The following PANK1 variants were observed in gnomAD, a reference collection of about 807,000 sequenced individuals.
PANK1 encodes the protein pantothenate kinase 1.
Under a neutral mutation model 40.1 loss-of-function variants are expected in PANK1, and 18 were observed. The observed-to-expected ratio is 0.45, with a 90% CI of 0.31 to 0.67. PANK1 has a LOEUF of 0.67. PANK1 is among the 30% of genes least tolerant of loss of function. The pLI, the probability that PANK1 is intolerant of heterozygous loss-of-function variation, is 0.06. For missense variants in PANK1, 457 were observed against 599.6 expected (o/e 0.76, Z 2.48); for synonymous variants, 242 against 237.7 (o/e 1.02, Z -0.17).
chr10:89,629,464 G>T (rs1165232074), intron 1 of PANK1, among the ~76,000 whole-genome samples: 1 of 152,160 alleles, frequency 6.6e-6, no homozygotes, highest in East Asian at 1.9e-4. Flanking sequence ...GGATCATTTA[G>T]TTTTGGGGCA....
intron 1 of PANK1, among the ~76,000 whole-genome samples, chr10:89,634,218 G>A (rs1841734978): frequency 6.6e-6 from 1 of 152,180 alleles, no homozygotes; most frequent in Non-Finnish European, 1.5e-5. Context: ...CTCATGTTAA[G>A]CTTGAAGTCA....
intron 2 of PANK1, among the ~76,000 whole-genome samples, chr10:89,609,560 C>T (rs967329961): frequency 6.6e-5 from 10 of 152,208 alleles, no homozygotes; most frequent in Non-Finnish European, 1.3e-4. Flanking sequence ...ACATCACTAA[C>T]ATAACATCAA....
chr10:89,605,534 C>T (rs1403651055), intron 2 of PANK1, among the ~76,000 whole-genome samples: 1 of 152,230 alleles, frequency 6.6e-6, no homozygotes, highest in African/African-American at 2.4e-5. Context: ...TTCATTCTTT[C>T]AAGTTTTATC....
intron 5 of PANK1, chr10:89,592,841 G>T (rs753449579): frequency 1.9e-6 from 1 of 540,314 alleles, no homozygotes; most frequent in Non-Finnish European, 3.8e-6. Context: ...ATCGAATATT[G>T]CAAGTCGAGC....
intron 2 of PANK1, among the ~76,000 whole-genome samples, chr10:89,605,002 C>T (rs916803518): frequency 2.6e-5 from 4 of 151,338 alleles, no homozygotes; most frequent in South Asian, 2.1e-4. Flanking sequence ...TTGCCCACCT[C>T]GGCCTCCCAA....
Position 89,641,408 on chromosome 10 carries a change from G to A in PANK1, c.292+3192C>T, listed in dbSNP as rs112810191. 4.4e-3 allele frequency among the ~76,000 whole-genome samples: 677 copies of A among 152,260 alleles called. 6 individuals carry two copies. The highest frequency in any genetic ancestry group is 0.015 in the African/African-American group (621 of 41,548). Reference sequence around the variant, plus strand: ...GGGGTTTTTCAGTCTGTACCCACCAGTATGCTACCTGCATAATGAACTCTC... The same window carrying A: ...GGGGTTTTTCAGTCTGTACCCACCAATATGCTACCTGCATAATGAACTCTC... On this transcript the variant is annotated intron_variant, in intron 1 of 6. Transcript: ENST00000307534.
At chr10:89,588,846 T>G (rs1256908392) in intron 5 of PANK1, 69 bp from the exon 6 acceptor site, 3 of 1,091,176 alleles carry the variant, frequency 2.7e-6, no homozygotes, top group Admixed American at 2.3e-5. Flanking sequence ...GACCCAATGT[T>G]CTGTATGTCT....
rs1013737590 is a variant in PANK1 at position 89,611,948 on chromosome 10, C to A, written c.393G>T (p.Glu131Asp). The change falls in exon 2 of 7, where the codon GAG becomes GAT. Residue 131 changes from glutamate to aspartate, a missense_variant. Physicochemically the swap from Glu to Asp is conservative, Grantham distance 45. This residue lies in a region of PANK1 where 286 missense variants were observed against 415.8 expected (regional missense o/e 0.69). Coordinates refer to ENST00000307534, the MANE Select transcript of PANK1 (RefSeq NM_148977.3). ...AATACTTCCGGATGCTCTTCAGGTT[C>A]TCCACTTCCTCTTGCTCCTCTTCGG... ...ITAEEEQEEV[E>D]NLKSIRKYLT... The A allele has an allele frequency of 2.5e-6, 4 of 1,614,162 alleles. No homozygotes were observed.
At chr10:89,579,505 C>T (rs568104568), downstream of PANK1, 6 of 152,132 alleles carry the variant, frequency 3.9e-5, no homozygotes, top group South Asian at 2.1e-4. Flanking sequence ...TATTATTTTA[C>T]GTGATAACTT....
chr10:89,633,494 C>T (rs1173139027), intron 1 of PANK1, among the ~76,000 whole-genome samples: 1 of 151,958 alleles, frequency 6.6e-6, no homozygotes, highest in Non-Finnish European at 1.5e-5. Flanking sequence ...CACTAACTTC[C>T]TAGTATGGAA....
chr10:89,590,599 C>T (rs1311415382), intron 5 of PANK1, among the ~76,000 whole-genome samples: 5 of 151,944 alleles, frequency 3.3e-5, no homozygotes, highest in African/African-American at 9.7e-5. Context: ...CATGTGTGTA[C>T]ATATATGTGT....
chr10:89,616,084 T>A (rs149183481), intron 1 of PANK1, among the ~76,000 whole-genome samples: 35 of 152,364 alleles, frequency 2.3e-4, no homozygotes, highest in African/African-American at 7.9e-4. Flanking sequence ...GATGTCATTT[T>A]AAAATATTTC....
chr10:89,637,534 A>T (rs972623238), intron 1 of PANK1, among the ~76,000 whole-genome samples: 10 of 152,240 alleles, frequency 6.6e-5, no homozygotes, highest in Non-Finnish European at 1.3e-4. Context: ...AAACATACCT[A>T]AACATAGAAA....
chr10:89,631,666 G>C (rs1359126757), intron 1 of PANK1, among the ~76,000 whole-genome samples: 2 of 152,156 alleles, frequency 1.3e-5, no homozygotes, highest in African/African-American at 4.8e-5. Flanking sequence ...AGTGATACTG[G>C]GTGATTCCAA....
chr10:89,605,489 A>T (rs903887437), intron 2 of PANK1, among the ~76,000 whole-genome samples: 1 of 152,248 alleles, frequency 6.6e-6, no homozygotes, highest in Non-Finnish European at 1.5e-5. Flanking sequence ...CATCTCAAGA[A>T]ACCATTTTCT....
chr10:89,598,113 C>T (rs1844665564), intron 3 of PANK1, among the ~76,000 whole-genome samples: 1 of 152,002 alleles, frequency 6.6e-6, no homozygotes, highest in Admixed American at 6.6e-5. Flanking sequence ...TTGGCAGCAC[C>T]CCTGACCTCT....
At position 89,645,207 on chromosome 10, in the gene PANK1, C is replaced by T. The variant is rs942086529; in HGVS notation, c.-316G>A. The T allele has an allele frequency of 6.9e-6, 11 of 1,597,310 alleles. No homozygotes were observed. In the African/African-American group the frequency reaches 1.4e-4, roughly 20 times the overall value. ...CCGCCTTCCCCTGATCCCCAGGCCG[C>T]GCGACTTCAAACGCGGCTTCCTCGC... On this transcript the variant is annotated 5_prime_UTR_variant, in exon 1 of 7. Transcript: ENST00000307534.
At chr10:89,580,221 A>G (rs1355476865), downstream of PANK1, 1 of 152,054 alleles carries the variant, frequency 6.6e-6, no homozygotes, top group East Asian at 1.9e-4. Context: ...TAGCTACTGC[A>G]TGAGGTCTGG....
At chr10:89,595,833 AATATATATATATAT>A (rs369831755) in intron 3 of PANK1, among the ~76,000 whole-genome samples, 2 of 33,778 alleles carry the variant, frequency 5.9e-5, no homozygotes, top group Non-Finnish European at 9.6e-5. Flanking sequence ...AAAAAAAAAA[AATATATATATATAT>A]ATATATATAT....
Sources: allele counts gnomAD v4.1 joint callset (sites outside exome capture counted in the v4.1 genomes callset), GRCh38; gene constraint gnomAD v4.1.1; regional missense constraint gnomAD v4.1.1; transcripts MANE v1.5; gene names NCBI Gene and HGNC (gene_info 2026-07-23, HGNC 2026-07-21).